TTC27: variants seen among roughly 807,000 people sequenced by gnomAD.
TTC27 encodes the protein tetratricopeptide repeat domain 27, also known as tetratricopeptide repeat protein 27.
Under a neutral mutation model 115.9 loss-of-function variants are expected in TTC27, and 79 were observed. That is an observed-to-expected ratio of 0.68 (90% CI 0.57 to 0.82). The LOEUF is 0.82. Ranked by LOEUF, TTC27 falls within the 40% of genes least tolerant of loss-of-function variation. The pLI is 0.00. For synonymous variants in TTC27, 401 were observed against 356.0 expected (o/e 1.13, Z -1.42); for missense variants, 1,054 against 993.1 (o/e 1.06, Z -0.82).
chr2:32,721,118 C>T (rs982237868), intron 10 of TTC27, among the ~76,000 whole-genome samples: 7 of 152,084 alleles, frequency 4.6e-5, no homozygotes, highest in African/African-American at 1.4e-4. Context: ...TGAAAAATTA[C>T]ATTTGATTTT....
intron 10 of TTC27, among the ~76,000 whole-genome samples, chr2:32,722,422 A>T (rs1188948650): frequency 6.6e-6 from 1 of 152,172 alleles, no homozygotes; most frequent in Non-Finnish European, 1.5e-5. Context: ...ACTGCCATTT[A>T]ATTAACTGTG....
In TTC27 at chr2:32,664,517, A is replaced by G. The variant is rs753189931; in HGVS notation, c.805+50A>G. ...TTGATTTTATTTTTATGATAAAACT[A>G]TATACATTGGCAGTTTGTATTGTAT... On this transcript the variant is annotated intron_variant, in intron 6 of 19. Coordinates refer to ENST00000317907, the MANE Select transcript of TTC27 (RefSeq NM_017735.5). 13 of 1,509,478 alleles carry G rather than the reference A, an allele frequency of 8.6e-6. No individual in the cohort carries two copies. In the Admixed American group the frequency reaches 1.7e-4, roughly 19 times the overall value. The allele number at this position is 1,509,478 out of a possible 1,614,324, so 93.5% of individuals were successfully genotyped here.
At chr2:32,669,967 A>T (rs1220444685) in intron 7 of TTC27, among the ~76,000 whole-genome samples, 2 of 149,268 alleles carry the variant, frequency 1.3e-5, no homozygotes, top group Admixed American at 1.3e-4. Flanking sequence ...ATTTTTTTTG[A>T]GATGGTGTCT....
At chr2:32,809,231 A>G (rs559103014) in intron 16 of TTC27, among the ~76,000 whole-genome samples, 1 of 152,210 alleles carries the variant, frequency 6.6e-6, no homozygotes, top group Non-Finnish European at 1.5e-5. Flanking sequence ...AAGATCTCAC[A>G]CTGGTTGCAT....
intron 5 of TTC27, among the ~76,000 whole-genome samples, chr2:32,650,819 T>G (rs568998285): frequency 7.9e-5 from 12 of 152,310 alleles, no homozygotes; most frequent in African/African-American, 2.9e-4. Flanking sequence ...GAAAAATACC[T>G]AAAACCTAAA....
At chr2:32,631,673 C>G (rs988592248) in intron 2 of TTC27, among the ~76,000 whole-genome samples, 1 of 152,048 alleles carries the variant, frequency 6.6e-6, no homozygotes, top group Non-Finnish European at 1.5e-5. Flanking sequence ...TTCATTTAGT[C>G]CTTCAACAAA....
Position 32,628,243 on chromosome 2 carries a change from C to T in TTC27, c.-50C>T. 1.3e-6 allele frequency: 2 copies of T among 1,550,060 alleles called. No homozygotes were observed. The highest frequency in any genetic ancestry group is 2.3e-5 in the East Asian group (1 of 43,626). On this transcript the variant is annotated 5_prime_UTR_variant, in exon 1 of 20. Transcript: ENST00000317907. ...TGTTTTCACTTTCTTTTGTTGACTCCCGTGTGGCCCTCGTGGGAGCCTGTT... is the reference window on the plus strand; with the variant it reads ...TGTTTTCACTTTCTTTTGTTGACTCTCGTGTGGCCCTCGTGGGAGCCTGTT...
At chr2:32,756,554 G>C (rs535740091) in intron 12 of TTC27, among the ~76,000 whole-genome samples, 1 of 152,298 alleles carries the variant, frequency 6.6e-6, no homozygotes, top group South Asian at 2.1e-4. Flanking sequence ...GAATGCAGAG[G>C]AGCCAACATC....
At chr2:32,706,386 CT>C (rs1667369718) in intron 10 of TTC27, among the ~76,000 whole-genome samples, 1 of 150,772 alleles carries the variant, frequency 6.6e-6, no homozygotes, top group South Asian at 2.1e-4. Flanking sequence ...CCTGGCCTAT[CT>C]TATTCTTAAT....
At chr2:32,753,054 A>G (rs1315771675) in intron 12 of TTC27, among the ~76,000 whole-genome samples, 1 of 152,188 alleles carries the variant, frequency 6.6e-6, no homozygotes, top group Non-Finnish European at 1.5e-5. Context: ...GGCATTACTC[A>G]CGTAGTTGCA....
At chr2:32,789,921 C>CAAAAAAAAAAA (rs34859954) in intron 16 of TTC27, among the ~76,000 whole-genome samples, 1 of 25,958 alleles carries the variant, frequency 3.9e-5, no homozygotes, top group African/African-American at 1.8e-4. Flanking sequence ...ACCCTGTCTC[C>CAAAAAAAAAAA]AAAAAAAAAA....
chr2:32,770,098 G>A (rs1000209965), intron 13 of TTC27, among the ~76,000 whole-genome samples: 18 of 152,320 alleles, frequency 1.2e-4, no homozygotes, highest in African/African-American at 4.3e-4. Context: ...AAGGAGACTA[G>A]CGGATGTAAA....
intron 16 of TTC27, among the ~76,000 whole-genome samples, chr2:32,793,114 G>A (rs1670591510): frequency 6.6e-6 from 1 of 152,170 alleles, no homozygotes; most frequent in South Asian, 2.1e-4. Flanking sequence ...ATTGGTTTGG[G>A]TGGGATATGA....
intron 15 of TTC27, among the ~76,000 whole-genome samples, chr2:32,782,920 A>G (rs1246751540): frequency 6.6e-6 from 1 of 152,166 alleles, no homozygotes; most frequent in African/African-American, 2.4e-5. Flanking sequence ...TGAAATCTTT[A>G]TTTATTACTG....
chr2:32,801,058 G>A (rs1670916712), intron 16 of TTC27, among the ~76,000 whole-genome samples: 1 of 152,206 alleles, frequency 6.6e-6, no homozygotes, highest in South Asian at 2.1e-4. Context: ...GTAAGGGTAG[G>A]CTGTGACAGT....
intron 9 of TTC27, among the ~76,000 whole-genome samples, chr2:32,701,614 G>A (rs1667186247): frequency 6.6e-6 from 1 of 152,132 alleles, no homozygotes; most frequent in Admixed American, 6.5e-5. Flanking sequence ...TAGGAGTCAG[G>A]CAGGTAATAA....
intron 13 of TTC27, among the ~76,000 whole-genome samples, chr2:32,776,358 T>C (rs1173442123): frequency 6.6e-6 from 1 of 152,204 alleles, no homozygotes; most frequent in Non-Finnish European, 1.5e-5. Context: ...AGGAGTGATG[T>C]AGAGGCAGCC....
At position 32,709,790 on chromosome 2, in the gene TTC27, C is replaced by T. The variant is rs577548614; in HGVS notation, c.1233+6870C>T. Among the ~76,000 whole-genome samples, 4 of 152,236 alleles carry T rather than the reference C, an allele frequency of 2.6e-5. No individual in the cohort carries two copies. The South Asian group carries it at 8.3e-4, about 32-fold the overall frequency. On this transcript the variant is annotated intron_variant, in intron 10 of 19. Coordinates refer to ENST00000317907, the MANE Select transcript of TTC27 (RefSeq NM_017735.5). ...TCCCCACTCCCACAGCTGGGCCCCA[C>T]CGTGTAGAGCAAAGAGGGAAGGTGA... is the stretch of plus-strand genomic sequence containing the variant.
At chr2:32,679,053 C>A in intron 9 of TTC27, 131 bp downstream of exon 9, 1 of 700,006 alleles carries the variant, frequency 1.4e-6, no homozygotes, top group Non-Finnish European at 2.4e-6. Flanking sequence ...AAAATCTTAC[C>A]ACTGTAGTTT....
Sources: gnomAD v4.1 joint callset for allele counts (sites outside exome capture counted in the v4.1 genomes callset) on GRCh38, gnomAD v4.1.1 for gene constraint, MANE v1.5 for transcripts, NCBI Gene and HGNC (gene_info 2026-07-23, HGNC 2026-07-21) for gene names.